The following RAB11FIP3 variants were observed in gnomAD, a reference collection of about 807,000 sequenced individuals.
RAB11FIP3 encodes the protein RAB11 family interacting protein 3, also known as rab11 family-interacting protein 3.
A neutral mutation model predicts 77.8 loss-of-function variants in RAB11FIP3; 17 were observed. That is an observed-to-expected ratio of 0.22 (90% CI 0.15 to 0.33). The LOEUF (loss-of-function observed/expected upper bound fraction) is 0.33. Ranked by LOEUF, RAB11FIP3 falls within the 10% of genes least tolerant of loss-of-function variation. The pLI is 1.00. For missense variants in RAB11FIP3, 1,005 were observed against 1,011.2 expected (o/e 0.99, Z 0.08); for synonymous variants, 437 against 448.2 (o/e 0.98, Z 0.31).
At chr16:445,268 A>T (rs1164225113) in intron 1 of RAB11FIP3, among the ~76,000 whole-genome samples, 1 of 138,286 alleles carries the variant, frequency 7.2e-6, no homozygotes, top group Non-Finnish European at 1.7e-5. Context: ...CCCCGAATCT[A>T]CTAAAAATAC....
chr16:459,875 C>CTTT (rs1170379362), intron 1 of RAB11FIP3, among the ~76,000 whole-genome samples: 30 of 119,322 alleles, frequency 2.5e-4, no homozygotes, highest in Non-Finnish European at 3.6e-4. Flanking sequence ...ATTGAGTTGT[C>CTTT]TTTTTTTTTT....
rs761384281 is a variant in RAB11FIP3 at position 520,732 on chromosome 16, G to C, written c.2164G>C (p.Glu722Gln). 6.2e-7 allele frequency: 1 copy of C among 1,613,694 alleles called. No individual in the cohort carries two copies. The highest frequency in any genetic ancestry group is 8.5e-7 in the Non-Finnish European group (1 of 1,180,010). ...CCACCTGCTTGCCCTACAGCTCATG[G>C]AGGCGATTCAGAAGCAGGAGGAGAT... is the stretch of plus-strand genomic sequence containing the variant. The part of the protein sequence containing the change: ...ISSVSRDELM[E>Q]AIQKQEEINF... The change falls in exon 14 of 14, where the codon GAG (glutamate) becomes CAG (glutamine). Residue 722 changes from glutamate to glutamine, a missense_variant. By Grantham distance (29) the Glu-to-Gln change is conservative (BLOSUM62 2). This residue lies in a region of RAB11FIP3 where 90 missense variants were observed against 129.7 expected (regional missense o/e 0.69). Coordinates refer to ENST00000262305, the MANE Select transcript of RAB11FIP3 (RefSeq NM_014700.4).
At chr16:508,156 A>G (rs1342710824) in intron 8 of RAB11FIP3, among the ~76,000 whole-genome samples, 2 of 152,198 alleles carry the variant, frequency 1.3e-5, no homozygotes, top group African/African-American at 2.4e-5. Flanking sequence ...ACCCTGCTCC[A>G]GTCCATAGTG....
At chr16:464,879 C>T (rs916211734) in intron 2 of RAB11FIP3, among the ~76,000 whole-genome samples, 1 of 152,096 alleles carries the variant, frequency 6.6e-6, no homozygotes, top group Non-Finnish European at 1.5e-5. Context: ...GGTGACAGAC[C>T]CTGTCTCAAA....
rs1446035460 is a variant in RAB11FIP3 at position 461,056 on chromosome 16, A to C, written c.715-348A>C. Among the ~76,000 whole-genome samples the C allele has an allele frequency of 6.6e-6, 1 of 151,412 alleles. No individual in the cohort carries two copies. Among genetic ancestry groups the C allele is most frequent in the African/African-American group, 2.5e-5 (1 of 40,706 alleles). ...TAAAGCGGCCCGCAGCCTTCTTGGC[A>C]CCAGGGATTGGTTTCATAGAAGACG... is the stretch of plus-strand genomic sequence containing the variant. On this transcript the variant is annotated intron_variant, in intron 1 of 13. Transcript: ENST00000262305. This position sits in a 1 kb window ranked among gnomAD's most constrained non-coding sequence, Gnocchi z 4.5.
At chr16:462,824 C>G (rs1008919923) in intron 2 of RAB11FIP3, among the ~76,000 whole-genome samples, 3 of 150,466 alleles carry the variant, frequency 2.0e-5, no homozygotes, top group South Asian at 2.1e-4. Flanking sequence ...TTCCCCAGCA[C>G]GATCCCTTCC....
chr16:437,134 T>G (rs958742204), intron 1 of RAB11FIP3, among the ~76,000 whole-genome samples: 1 of 151,170 alleles, frequency 6.6e-6, no homozygotes, highest in Non-Finnish European at 1.5e-5. Flanking sequence ...AAAAATTAGC[T>G]GGGTGTGGTG....
chr16:427,659 T>G (rs1301337705), intron 1 of RAB11FIP3, among the ~76,000 whole-genome samples: 1 of 152,240 alleles, frequency 6.6e-6, no homozygotes, highest in Non-Finnish European at 1.5e-5. Context: ...CTAAGGTGCA[T>G]CTGTCAATTT....
chr16:453,289 T>G (rs1032221937), intron 1 of RAB11FIP3: 1 of 152,108 alleles, frequency 6.6e-6, no homozygotes, highest in African/African-American at 2.4e-5. Flanking sequence ...TTAGCCAGGA[T>G]GGTCTCAATC....
At chr16:491,651 T>C (rs1156300250) in intron 5 of RAB11FIP3, among the ~76,000 whole-genome samples, 1 of 152,244 alleles carries the variant, frequency 6.6e-6, no homozygotes, top group African/African-American at 2.4e-5. Flanking sequence ...TTCAGGATTG[T>C]CAGTTTAAAT....
At chr16:483,297 C>G (rs989571966) in intron 4 of RAB11FIP3, among the ~76,000 whole-genome samples, 1 of 152,194 alleles carries the variant, frequency 6.6e-6, no homozygotes, top group Non-Finnish European at 1.5e-5. Context: ...AAATTAAATT[C>G]TCAGCCTTCA....
intron 1 of RAB11FIP3, among the ~76,000 whole-genome samples, chr16:448,433 G>A (rs1044669312): frequency 6.6e-6 from 1 of 150,642 alleles, no homozygotes; most frequent in Non-Finnish European, 1.5e-5. Context: ...GAGAAACGCC[G>A]TCTACTAAAA....
chr16:470,985 T>TTC (rs1238497038), intron 2 of RAB11FIP3, among the ~76,000 whole-genome samples: 9 of 151,714 alleles, frequency 5.9e-5, no homozygotes, highest in Non-Finnish European at 1.2e-4. Flanking sequence ...TGCTCTTTTT[T>TTC]TTTTTGCAGT....
intron 1 of RAB11FIP3, among the ~76,000 whole-genome samples, chr16:443,560 T>TTGG (rs1218539261): frequency 6.6e-6 from 1 of 152,052 alleles, no homozygotes; most frequent in African/African-American, 2.4e-5. Flanking sequence ...AGCATGATCT[T>TTGG]TGGTGGTGGT....
intron 3 of RAB11FIP3, among the ~76,000 whole-genome samples, chr16:480,015 G>A (rs985589894): frequency 7.2e-5 from 11 of 151,958 alleles, no homozygotes; most frequent in Admixed American, 3.9e-4. Flanking sequence ...AGCCAGGCAC[G>A]GTGGCTCACG....
intron 6 of RAB11FIP3, among the ~76,000 whole-genome samples, chr16:502,273 G>A (rs1260766114): frequency 6.6e-6 from 1 of 152,254 alleles, no homozygotes; most frequent in Non-Finnish European, 1.5e-5. Flanking sequence ...CACACTCCCT[G>A]GAGAAGCTCC....
chr16:431,991 G>T (rs1206992600), intron 1 of RAB11FIP3, among the ~76,000 whole-genome samples: 2 of 151,826 alleles, frequency 1.3e-5, no homozygotes, highest in East Asian at 1.9e-4. Flanking sequence ...TCTCCTGACC[G>T]CATGATCCGC....
Position 516,604 on chromosome 16 carries a change from C to T in RAB11FIP3, c.1641-2339C>T, listed in dbSNP as rs1029140879. On this transcript the variant is annotated intron_variant, in intron 9 of 13. Coordinates refer to ENST00000262305, the MANE Select transcript of RAB11FIP3 (RefSeq NM_014700.4). Reference sequence around the variant, plus strand: ...AACGAACAGAAAAGAGGGCCGGGCGCGGTGGCTCACGCCTGTAACCCCAGC... The same window carrying T: ...AACGAACAGAAAAGAGGGCCGGGCGTGGTGGCTCACGCCTGTAACCCCAGC... Among the ~76,000 whole-genome samples the T allele has an allele frequency of 7.2e-5, 11 of 152,210 alleles. No homozygotes were observed. The East Asian group carries it at 7.7e-4, about 11-fold the overall frequency.
At chr16:448,219 AG>A (rs757491548) in intron 1 of RAB11FIP3, among the ~76,000 whole-genome samples, 6 of 151,946 alleles carry the variant, frequency 3.9e-5, no homozygotes, top group Non-Finnish European at 4.4e-5. Context: ...TGGGAGGCTG[AG>A]GCAGGAGAAT....
Sources: allele counts gnomAD v4.1 joint callset (sites outside exome capture counted in the v4.1 genomes callset), GRCh38; gene constraint gnomAD v4.1.1; regional missense constraint gnomAD v4.1.1; non-coding constraint Gnocchi (gnomAD v3.1); transcripts MANE v1.5; gene names NCBI Gene and HGNC (gene_info 2026-07-23, HGNC 2026-07-21).